NFASC: variants seen among roughly 807,000 people sequenced by gnomAD.
NFASC encodes neurofascin homolog.
In NFASC, 43 loss-of-function variants were observed where a neutral mutation model predicts 147.5. The ratio of observed to expected loss-of-function variants is 0.29; its 90% CI spans 0.23 to 0.38. The LOEUF (loss-of-function observed/expected upper bound fraction) is 0.38, where lower values mean the gene tolerates loss of function less well. Among genes scored for constraint, NFASC ranks in the 10% least tolerant of loss-of-function variants. NFASC has a pLI of 1.00. For missense variants in NFASC, 1,320 were observed against 1,689.0 expected (o/e 0.78, Z 3.83); for synonymous variants, 622 against 665.5 (o/e 0.93, Z 1.01).
chr1:204,939,120 C>G (rs1472770720), intron 2 of NFASC, among the ~76,000 whole-genome samples: 2 of 146,354 alleles, frequency 1.4e-5, no homozygotes, highest in African/African-American at 5.1e-5. Context: ...TATACATGAG[C>G]TGAATTAATC....
Position 204,950,524 on chromosome 1 carries a change from C to T in NFASC, c.92-33C>T, listed in dbSNP as rs778120760. 5 of 1,605,974 alleles carry T rather than the reference C, an allele frequency of 3.1e-6. No homozygotes were observed. In the East Asian group the frequency reaches 1.1e-4, roughly 36 times the overall value. On this transcript the variant is annotated intron_variant, in intron 3 of 29. Coordinates refer to ENST00000339876, the MANE Select transcript of NFASC (RefSeq NM_001005388.3). ...GTGCATAACGATGTTCTTCTTTTCTCCCTCTCCAATGCTAACCCGTCGGAA... is the reference window on the plus strand; with the variant it reads ...GTGCATAACGATGTTCTTCTTTTCTTCCTCTCCAATGCTAACCCGTCGGAA...
Position 204,954,899 on chromosome 1 carries a change from G to A in NFASC, c.483G>A (p.Gln161=). ...VVQEGAPLTL[Q]CNPPPGLPSP... ...AAGAGGGCGCTCCTTTGACGCTCCAGTGCAACCCCCCGCCTGGACTTCCAT... is the reference window on the plus strand; with the variant it reads ...AAGAGGGCGCTCCTTTGACGCTCCAATGCAACCCCCCGCCTGGACTTCCAT... Residue 161 remains glutamine, a synonymous_variant, in exon 7 of 30, where the codon CAG becomes CAA. Transcript: ENST00000339876. The surrounding 1 kb of genome is among the most constrained non-coding windows in gnomAD (Gnocchi z 5.7). 1 of 1,614,142 alleles carries A rather than the reference G, an allele frequency of 6.2e-7. No homozygotes were observed. Among genetic ancestry groups the A allele is most frequent in the African/African-American group, 1.3e-5 (1 of 75,020 alleles).
intron 8 of NFASC, among the ~76,000 whole-genome samples, chr1:204,967,041 G>A (rs760699046): frequency 6.4e-4 from 97 of 152,168 alleles, no homozygotes; most frequent in Non-Finnish European, 1.1e-3. Flanking sequence ...TACCAGCACC[G>A]ATTAAACCCT....
At chr1:204,991,365 G>A in intron 24 of NFASC, 59 bp downstream of exon 24, 1 of 1,576,014 alleles carries the variant, frequency 6.3e-7, no homozygotes, top group Non-Finnish European at 8.7e-7. Context: ...GCGGAGCCCA[G>A]CCCAGCCAGG....
chr1:204,921,547 G>T (rs1018778629), intron 2 of NFASC, among the ~76,000 whole-genome samples: 1 of 152,106 alleles, frequency 6.6e-6, no homozygotes, highest in Non-Finnish European at 1.5e-5. Context: ...GTTGGAGCTG[G>T]GGGGAGGGGC....
chr1:204,841,053 C>T (rs1675193843), intron 1 of NFASC, among the ~76,000 whole-genome samples: 2 of 152,196 alleles, frequency 1.3e-5, no homozygotes, highest in African/African-American at 4.8e-5. Context: ...AATGTTAACC[C>T]TCTGACTCAC....
intron 2 of NFASC, among the ~76,000 whole-genome samples, chr1:204,936,802 A>G (rs1433363088): frequency 1.3e-5 from 2 of 152,176 alleles, no homozygotes; most frequent in African/African-American, 2.4e-5. Context: ...GCTTCCTATC[A>G]TGCTTAGAAT....
intron 2 of NFASC, among the ~76,000 whole-genome samples, chr1:204,924,138 A>C (rs896996447): frequency 2.6e-5 from 4 of 152,114 alleles, no homozygotes; most frequent in African/African-American, 9.7e-5. Flanking sequence ...AACTCAGGAA[A>C]ATCCTCATTC....
In NFASC at chr1:205,019,884, T is replaced by C. The variant is rs1243026863; in HGVS notation, c.*3345T>C. The C allele has an allele frequency of 1.3e-5, 2 of 152,330 alleles. No individual in the cohort carries two copies. Among genetic ancestry groups the C allele is most frequent in the Admixed American group, 1.3e-4 (2 of 15,306 alleles). The allele number at this position is 152,330 out of a possible 1,614,324, so 9.4% of individuals were successfully genotyped here. A position where few individuals can be genotyped will look rare whatever the true frequency, so the allele number is the denominator to read the frequency against. On this transcript the variant is annotated 3_prime_UTR_variant, in exon 30 of 30. Coordinates refer to ENST00000339876, the MANE Select transcript of NFASC (RefSeq NM_001005388.3). ...TTCAGTTCCTCCTTGAATACCTCTT[T>C]CTACAGAGAGGCACGGGCTCCCCTG...
intron 28 of NFASC, among the ~76,000 whole-genome samples, chr1:205,012,104 C>T (rs879576388): frequency 3.3e-5 from 5 of 152,172 alleles, no homozygotes; most frequent in African/African-American, 4.8e-5. Context: ...GCTGTGCATC[C>T]GCCTCTGTGC....
intron 24 of NFASC, among the ~76,000 whole-genome samples, chr1:204,993,309 A>T (rs2095780612): frequency 6.6e-6 from 1 of 152,196 alleles, no homozygotes; most frequent in South Asian, 2.1e-4. Flanking sequence ...TCAACACGCC[A>T]TGTGGACATT....
In NFASC at chr1:205,016,409, G is replaced by A; in HGVS notation, c.3593G>A (p.Gly1198Asp). 1.9e-6 allele frequency: 3 copies of A among 1,614,084 alleles called. No individual in the cohort carries two copies. The highest frequency in any genetic ancestry group is 1.1e-5 in the South Asian group (1 of 91,082). The change falls in exon 30 of 30, where the codon GGC (glycine) becomes GAC (aspartate). Residue 1198 changes from glycine to aspartate, a missense_variant. By Grantham distance (94) the Gly-to-Asp change is moderately conservative (BLOSUM62 -1). This residue lies in a region of NFASC where 167 missense variants were observed against 233.8 expected (regional missense o/e 0.71). Transcript: ENST00000339876. This position sits in a 1 kb window ranked among gnomAD's most constrained non-coding sequence, Gnocchi z 5.1. ...DDSLVDYGEGGEGQFNEDGSF... is the reference protein window; with the variant it reads ...DDSLVDYGEGDEGQFNEDGSF... ...AGCCTGGTGGACTATGGCGAGGGTG[G>A]CGAGGGTCAGTTCAATGAAGACGGC...
Position 205,016,280 on chromosome 1 carries a change from C to A in NFASC, c.3492-28C>A, listed in dbSNP as rs1484972246. On this transcript the variant is annotated intron_variant, in intron 29 of 29. Transcript: ENST00000339876. This position sits in a 1 kb window ranked among gnomAD's most constrained non-coding sequence, Gnocchi z 5.1. ...GGCCAGCTGCCCCATCTCACCCCAC[C>A]TGAGATTCTCTGTCTCTCTTTGGCC... The A allele has an allele frequency of 1.3e-6, 2 of 1,523,166 alleles. No individual in the cohort carries two copies. The highest frequency in any genetic ancestry group is 1.8e-6 in the Non-Finnish European group (2 of 1,097,514). The allele number at this position is 1,523,166 out of a possible 1,614,324, so 94.4% of individuals were successfully genotyped here.
chr1:204,937,551 C>T (rs2092971934), intron 2 of NFASC, among the ~76,000 whole-genome samples: 1 of 152,232 alleles, frequency 6.6e-6, no homozygotes, highest in Non-Finnish European at 1.5e-5. Flanking sequence ...TGTAACCACA[C>T]AGTGTGCAGC....
Position 204,987,360 on chromosome 1 carries a change from T to C in NFASC, c.2471-58T>C, listed in dbSNP as rs2095637796. On this transcript the variant is annotated intron_variant, in intron 21 of 29. Coordinates refer to ENST00000339876, the MANE Select transcript of NFASC (RefSeq NM_001005388.3). The surrounding 1 kb of genome is among the most constrained non-coding windows in gnomAD (Gnocchi z 4.4). ...TACTTGTGCTTTGTTTTTTGTGTTT[T>C]CCTCATCCTCCCTGCCCCCTCCCCC... 2 of 1,537,846 alleles carry C rather than the reference T, an allele frequency of 1.3e-6. No homozygotes were observed. The highest frequency in any genetic ancestry group is 1.8e-6 in the Non-Finnish European group (2 of 1,124,670).
At chr1:204,997,634 G>A in intron 25 of NFASC, 1 of 606,216 alleles carries the variant, frequency 1.6e-6, no homozygotes, top group Non-Finnish European at 3.0e-6. Flanking sequence ...CTCCTTGGGT[G>A]GTCCTCCACC....
At position 204,979,653 on chromosome 1, in the gene NFASC, TACTTA is replaced by T. The variant is rs1558347111; in HGVS notation, c.2176+99_2176+103del. On this transcript the variant is annotated intron_variant, in intron 19 of 29. Transcript: ENST00000339876. The surrounding 1 kb of genome is among the most constrained non-coding windows in gnomAD (Gnocchi z 6.0). ...CATTCCCAGCCATGTGAACTTAGGT[TACTTA>T]ACTTCTCCAAGGCCCGGCCTCATCT... 8.3e-7 allele frequency: 1 copy of T among 1,199,776 alleles called. No individual in the cohort carries two copies. The highest frequency in any genetic ancestry group is 1.5e-5 in the African/African-American group (1 of 66,608). The allele number at this position is 1,199,776 out of a possible 1,614,324, so 74.3% of individuals were successfully genotyped here.
At position 204,944,262 on chromosome 1, in the gene NFASC, G is replaced by A. The variant is rs549684675; in HGVS notation, c.-54G>A. ...CCAGGAGGCCCAGTTAAAGCGGCTC[G>A]AGGTGACAAGACCCCGAGTGCTGGG... On this transcript the variant is annotated 5_prime_UTR_variant, in exon 3 of 30. Transcript: ENST00000339876. 8.8e-6 allele frequency: 14 copies of A among 1,596,930 alleles called. No homozygotes were observed. Among genetic ancestry groups the A allele is most frequent in the African/African-American group, 5.4e-5 (4 of 74,490 alleles).
At chr1:204,943,077 CCGAA>C (rs2093471105) in intron 2 of NFASC, among the ~76,000 whole-genome samples, 1 of 152,026 alleles carries the variant, frequency 6.6e-6, no homozygotes, top group Admixed American at 6.5e-5. Flanking sequence ...CAATTTGCTG[CCGAA>C]TAAAATAGGA....
Sources: gnomAD v4.1 joint callset for allele counts (sites outside exome capture counted in the v4.1 genomes callset) on GRCh38, gnomAD v4.1.1 for gene constraint, gnomAD v4.1.1 regional missense constraint, Gnocchi (gnomAD v3.1) non-coding constraint, MANE v1.5 for transcripts, NCBI Gene and HGNC (gene_info 2026-07-23, HGNC 2026-07-21) for gene names.